Variants in ALK observed in about 807,000 individuals in gnomAD.
The protein encoded by ALK is ALK receptor tyrosine kinase, also known as ALK tyrosine kinase receptor.
ALK carries 74 observed loss-of-function variants against 163.1 expected under a neutral mutation model. The observed-to-expected ratio is 0.45, with a 90% CI of 0.38 to 0.55. The LOEUF (loss-of-function observed/expected upper bound fraction) is 0.55, where lower values mean the gene tolerates loss of function less well. ALK is among the 20% of genes least tolerant of loss of function. The pLI, the probability that ALK is intolerant of heterozygous loss-of-function variation, is 0.00. For missense variants in ALK, 2,063 were observed against 2,105.3 expected (o/e 0.98, Z 0.39); for synonymous variants, 960 against 843.2 (o/e 1.14, Z -2.40).
intron 1 of ALK, among the ~76,000 whole-genome samples, chr2:29,909,795 G>A (rs185023527): frequency 6.6e-6 from 1 of 152,126 alleles, no homozygotes; most frequent in African/African-American, 2.4e-5. Context: ...ACCTTAAGAG[G>A]AGGCTTAAAC....
intron 3 of ALK, among the ~76,000 whole-genome samples, chr2:29,661,641 A>T (rs901859603): frequency 2.0e-5 from 3 of 152,170 alleles, no homozygotes; most frequent in Admixed American, 6.5e-5. Context: ...TTTGCATGGC[A>T]CACTTGAGAG....
At chr2:29,235,853 C>A (rs1307620182) in intron 13 of ALK, among the ~76,000 whole-genome samples, 2 of 98,144 alleles carry the variant, frequency 2.0e-5, no homozygotes, top group Non-Finnish European at 4.1e-5. Context: ...CTACCAGGCT[C>A]GACTTTTTTT....
intron 4 of ALK, among the ~76,000 whole-genome samples, chr2:29,416,873 T>C (rs1194709176): frequency 6.6e-6 from 1 of 151,400 alleles, no homozygotes; most frequent in Non-Finnish European, 1.5e-5. Flanking sequence ...TTCTTATGTA[T>C]CACCAGCATC....
chr2:29,529,901 T>C (rs1673073088), intron 4 of ALK, among the ~76,000 whole-genome samples: 1 of 152,110 alleles, frequency 6.6e-6, no homozygotes, highest in Non-Finnish European at 1.5e-5. Flanking sequence ...CCTCTGGTGA[T>C]GGAGGCATTG....
chr2:29,381,534 G>C (rs1475147292), intron 5 of ALK, among the ~76,000 whole-genome samples: 2 of 152,186 alleles, frequency 1.3e-5, no homozygotes, highest in Non-Finnish European at 2.9e-5. Context: ...GGCCAAGGAA[G>C]AGCTGTGGAG....
At chr2:29,497,156 C>G (rs953152281) in intron 4 of ALK, among the ~76,000 whole-genome samples, 25 of 152,032 alleles carry the variant, frequency 1.6e-4, no homozygotes, top group African/African-American at 6.0e-4. Flanking sequence ...CCTGTAATCT[C>G]AGCTACTAGG....
chr2:29,796,322 A>G (rs557499420), intron 1 of ALK, among the ~76,000 whole-genome samples: 1 of 152,308 alleles, frequency 6.6e-6, no homozygotes, highest in East Asian at 1.9e-4. Flanking sequence ...GATTTCCTCC[A>G]AACGTTAGCA....
intron 26 of ALK, among the ~76,000 whole-genome samples, chr2:29,199,746 T>A (rs1448664625): frequency 6.6e-6 from 1 of 152,258 alleles, no homozygotes; most frequent in Non-Finnish European, 1.5e-5. Context: ...AGATGAATTC[T>A]TCGTGTTCTA....
intron 11 of ALK, among the ~76,000 whole-genome samples, chr2:29,267,400 G>T (rs1433020360): frequency 2.0e-5 from 3 of 152,212 alleles, no homozygotes; most frequent in Non-Finnish European, 4.4e-5. Context: ...AATGTGTGTT[G>T]TTATAGCCAC....
At position 29,233,550 on chromosome 2, in the gene ALK, C is replaced by T. The variant is rs763675187; in HGVS notation, c.2487+15G>A. On this transcript the variant is annotated intron_variant, in intron 14 of 28. Transcript: ENST00000389048. ...GCACAGGAACCTGGTGGAAATCTGG[C>T]AGCACACACCATACCTTAAATACGT... 3.7e-6 allele frequency: 6 copies of T among 1,614,158 alleles called. No homozygotes were observed. The highest frequency in any genetic ancestry group is 1.1e-5 in the South Asian group (1 of 91,072).
intron 1 of ALK, among the ~76,000 whole-genome samples, chr2:29,885,565 A>G (rs1275482828): frequency 2.0e-5 from 3 of 151,100 alleles, no homozygotes; most frequent in African/African-American, 4.8e-5. Flanking sequence ...GATATGGCAA[A>G]AAAAAAAAAA....
rs1385265600 is a variant in ALK, at chr2:29,304,492, C to T, written c.1648-7435G>A. Among the ~76,000 whole-genome samples, 4 of 31,064 alleles carry T rather than the reference C, an allele frequency of 1.3e-4. No homozygotes were observed. The Admixed American group carries it at 2.0e-3, about 15-fold the overall frequency. 20.4% of individuals were successfully genotyped at this position (31,064 alleles called of 152,430 possible). A position where few individuals can be genotyped will look rare whatever the true frequency, so the allele number is the denominator to read the frequency against. On this transcript the variant is annotated intron_variant, in intron 8 of 28. Coordinates refer to ENST00000389048, the MANE Select transcript of ALK (RefSeq NM_004304.5). ...CCTGGGCAATAGAGCAAGACTGTGT[C>T]TAAAAAAAAAAAAAAAAAAGAAAAG...
At chr2:29,674,105 T>C (rs1008191692) in intron 3 of ALK, among the ~76,000 whole-genome samples, 6 of 149,034 alleles carry the variant, frequency 4.0e-5, no homozygotes, top group African/African-American at 1.5e-4. Context: ...AGATATACAA[T>C]CATGTCGTCT....
At chr2:29,615,392 T>G (rs1006152470) in intron 3 of ALK, among the ~76,000 whole-genome samples, 1 of 152,200 alleles carries the variant, frequency 6.6e-6, no homozygotes, top group African/African-American at 2.4e-5. Flanking sequence ...TCTCTAATTG[T>G]TTACTTTGGG....
chr2:29,351,436 A>T lies in ALK; in HGVS notation c.1283-22955T>A, dbSNP rs376437371. Among the ~76,000 whole-genome samples the T allele has an allele frequency of 1.6e-4, 25 of 151,524 alleles. 1 individual carries two copies. Among genetic ancestry groups the T allele is most frequent in the East Asian group, 5.8e-4 (3 of 5,132 alleles). ...AGACAAAAGCGTTAACTGCATGCTC[A>T]CTCCTCCTCCCTTCATTGTCCAGGG... On this transcript the variant is annotated intron_variant, in intron 5 of 28. Coordinates refer to ENST00000389048, the MANE Select transcript of ALK (RefSeq NM_004304.5).
At chr2:29,423,516 A>G (rs1022549326) in intron 4 of ALK, among the ~76,000 whole-genome samples, 1 of 152,250 alleles carries the variant, frequency 6.6e-6, no homozygotes, top group African/African-American at 2.4e-5. Context: ...TGGTAACAGG[A>G]TGTGTCTTTA....
At chr2:29,506,901 T>A (rs534803166) in intron 4 of ALK, among the ~76,000 whole-genome samples, 2 of 152,288 alleles carry the variant, frequency 1.3e-5, no homozygotes, top group African/African-American at 2.4e-5. Flanking sequence ...TGTAGAGACA[T>A]TGGAATCCTT....
At chr2:29,863,639 A>C (rs1302514200) in intron 1 of ALK, among the ~76,000 whole-genome samples, 3 of 152,192 alleles carry the variant, frequency 2.0e-5, no homozygotes, top group Non-Finnish European at 4.4e-5. Context: ...AGTGTTGCTG[A>C]GGATGTGAAG....
intron 1 of ALK, among the ~76,000 whole-genome samples, chr2:29,773,024 G>A (rs116717240): frequency 1.2e-3 from 162 of 135,688 alleles, no homozygotes; most frequent in African/African-American, 5.0e-3. Flanking sequence ...TGTCTTGCTT[G>A]TCAATGTAAA....
Sources: gnomAD v4.1 joint callset for allele counts (sites outside exome capture counted in the v4.1 genomes callset) on GRCh38, gnomAD v4.1.1 for gene constraint, MANE v1.5 for transcripts, NCBI Gene and HGNC (gene_info 2026-07-23, HGNC 2026-07-21) for gene names.